EDIL3: variants seen among roughly 807,000 people sequenced by gnomAD.
EDIL3 encodes EGF-like repeat and discoidin I-like domain-containing protein 3.
A neutral mutation model predicts 67.4 loss-of-function variants in EDIL3; 37 were observed. The ratio of observed to expected loss-of-function variants is 0.55; its 90% CI spans 0.42 to 0.72. The LOEUF (loss-of-function observed/expected upper bound fraction) is 0.72, where lower values mean the gene tolerates loss of function less well. Among genes scored for constraint, EDIL3 ranks in the 30% least tolerant of loss-of-function variants. The pLI, the probability that EDIL3 is intolerant of heterozygous loss-of-function variation, is 0.00. For synonymous variants in EDIL3, 195 were observed against 196.3 expected (o/e 0.99, Z 0.05); for missense variants, 527 against 586.3 (o/e 0.90, Z 1.04).
At chr5:84,362,896 T>C (rs1306453806) in intron 1 of EDIL3, among the ~76,000 whole-genome samples, 1 of 152,180 alleles carries the variant, frequency 6.6e-6, no homozygotes, top group Non-Finnish European at 1.5e-5. Context: ...TAGTTTAAGA[T>C]GATCTATGTC....
intron 2 of EDIL3, among the ~76,000 whole-genome samples, chr5:84,245,948 T>G (rs1009207676): frequency 2.6e-5 from 4 of 151,432 alleles, no homozygotes; most frequent in East Asian, 1.9e-4. Flanking sequence ...AGTTTTTCCT[T>G]AAGAGATTTT....
chr5:84,039,365 T>C (rs1193197783), intron 9 of EDIL3, among the ~76,000 whole-genome samples: 2 of 152,028 alleles, frequency 1.3e-5, no homozygotes. Context: ...TTCCCAGCAA[T>C]CCACTAAACA....
chr5:84,283,099 C>A (rs972796588), intron 1 of EDIL3, among the ~76,000 whole-genome samples: 2 of 151,560 alleles, frequency 1.3e-5, no homozygotes, highest in African/African-American at 4.9e-5. Flanking sequence ...TTATATTGGG[C>A]TGATGTGTTC....
intron 6 of EDIL3, among the ~76,000 whole-genome samples, chr5:84,098,622 A>C (rs984493761): frequency 2.6e-5 from 4 of 152,284 alleles, no homozygotes; most frequent in African/African-American, 4.8e-5. Context: ...ACTCAAAACC[A>C]TATGATCACA....
chr5:84,001,470 C>T (rs1745330355), intron 9 of EDIL3, among the ~76,000 whole-genome samples: 1 of 151,118 alleles, frequency 6.6e-6, no homozygotes, highest in South Asian at 2.1e-4. Flanking sequence ...AGAAATAAAC[C>T]AAACTTAAAA....
chr5:84,329,541 A>C (rs553340487), intron 1 of EDIL3, among the ~76,000 whole-genome samples: 1 of 152,156 alleles, frequency 6.6e-6, no homozygotes, highest in South Asian at 2.1e-4. Flanking sequence ...AATTTATGCA[A>C]TTTTGTTGGA....
At chr5:84,375,177 G>A (rs2112217395) in intron 1 of EDIL3, among the ~76,000 whole-genome samples, 1 of 151,958 alleles carries the variant, frequency 6.6e-6, no homozygotes, top group African/African-American at 2.4e-5. Flanking sequence ...TCATCATGTT[G>A]GCCAGGATGG....
At chr5:84,275,748 T>C (rs1745572653) in intron 1 of EDIL3, among the ~76,000 whole-genome samples, 1 of 152,182 alleles carries the variant, frequency 6.6e-6, no homozygotes, top group Middle Eastern at 3.2e-3. Context: ...ACAGTGGATA[T>C]GAAAGGATTG....
At chr5:84,292,344 A>G (rs1178862296) in intron 1 of EDIL3, among the ~76,000 whole-genome samples, 1 of 152,178 alleles carries the variant, frequency 6.6e-6, no homozygotes, top group East Asian at 1.9e-4. Flanking sequence ...TTTTCTGAAT[A>G]AGATATTAAA....
At chr5:84,010,274 C>A (rs939739883) in intron 9 of EDIL3, among the ~76,000 whole-genome samples, 2 of 152,118 alleles carry the variant, frequency 1.3e-5, no homozygotes, top group Non-Finnish European at 2.9e-5. Flanking sequence ...CTTACAATTA[C>A]CTCACATAAA....
chr5:84,043,238 T>TAG (rs1746163064), intron 9 of EDIL3, among the ~76,000 whole-genome samples: 1 of 152,200 alleles, frequency 6.6e-6, no homozygotes, highest in African/African-American at 2.4e-5. Flanking sequence ...TTTCCTTGCT[T>TAG]AGAGTGGTCC....
At chr5:84,262,567 C>T (rs1386029835) in intron 1 of EDIL3, among the ~76,000 whole-genome samples, 1 of 150,444 alleles carries the variant, frequency 6.6e-6, no homozygotes, top group Non-Finnish European at 1.5e-5. Flanking sequence ...CATACATTCC[C>T]TACAAACATG....
intron 6 of EDIL3, among the ~76,000 whole-genome samples, chr5:84,088,948 A>G (rs1256448108): frequency 1.3e-5 from 2 of 152,224 alleles, no homozygotes; most frequent in East Asian, 3.8e-4. Context: ...AAAAGGCATT[A>G]AAGGAGAATA....
At chr5:84,195,440 G>A (rs778625803) in intron 3 of EDIL3, among the ~76,000 whole-genome samples, 1 of 151,914 alleles carries the variant, frequency 6.6e-6, no homozygotes, top group Admixed American at 6.6e-5. Flanking sequence ...TCTTCTACCT[G>A]ATCAGTACAG....
At chr5:84,123,849 T>C (rs1747818584) in intron 5 of EDIL3, among the ~76,000 whole-genome samples, 2 of 151,910 alleles carry the variant, frequency 1.3e-5, no homozygotes, top group African/African-American at 4.8e-5. Context: ...TGAAAAACAG[T>C]AGTTCCTTTT....
In EDIL3 at chr5:83,943,435, C is replaced by T; in HGVS notation, c.1427G>A (p.Cys476Tyr). 1 of 1,612,548 alleles carries T rather than the reference C, an allele frequency of 6.2e-7. No individual in the cohort carries two copies. The highest frequency in any genetic ancestry group is 8.5e-7 in the Non-Finnish European group (1 of 1,179,112). Reference protein sequence around the residue: ...RITLRSELLGCTEEE With the variant: ...RITLRSELLGYTEEE ...AGCCTCCCCTCATTCCTCCTCTGTGCAGCCCAGCAGCTCTGACCGCAATGT... is the reference window on the plus strand; with the variant it reads ...AGCCTCCCCTCATTCCTCCTCTGTGTAGCCCAGCAGCTCTGACCGCAATGT... The change falls in exon 11 of 11, where the codon TGC (cysteine) becomes TAC (tyrosine). Residue 476 changes from cysteine (C) to tyrosine (Y), a missense_variant. Around this residue, in one of 2 missense-constraint regions of EDIL3, gnomAD observed 33 missense variants for 63.7 expected, o/e 0.52. Transcript: ENST00000296591.
At chr5:84,351,775 G>A (rs305654) in intron 1 of EDIL3, among the ~76,000 whole-genome samples, 2,261 of 151,884 alleles carry the variant, frequency 0.015, 62 homozygotes, top group African/African-American at 0.052. Context: ...AATAGCATGT[G>A]GATGATAGAA....
intron 9 of EDIL3, among the ~76,000 whole-genome samples, chr5:84,009,154 C>T (rs1219565376): frequency 6.6e-6 from 1 of 152,044 alleles, no homozygotes; most frequent in African/African-American, 2.4e-5. Flanking sequence ...CTTGGTGGGC[C>T]TGCCCAAGTT....
At chr5:84,098,442 G>A (rs1747305064) in intron 6 of EDIL3, among the ~76,000 whole-genome samples, 1 of 152,044 alleles carries the variant, frequency 6.6e-6, no homozygotes. Context: ...TATATCATTT[G>A]ATTTCACAGA....
Sources: allele counts gnomAD v4.1 joint callset (sites outside exome capture counted in the v4.1 genomes callset), GRCh38; gene constraint gnomAD v4.1.1; regional missense constraint gnomAD v4.1.1; transcripts MANE v1.5; gene names NCBI Gene and HGNC (gene_info 2026-07-23, HGNC 2026-07-21).